Variants in HTR4 observed in about 807,000 individuals in gnomAD.
HTR4 encodes the protein 5-hydroxytryptamine (serotonin) receptor 4, G protein-coupled.
A neutral mutation model predicts 36.8 loss-of-function variants in HTR4; 16 were observed. That is an observed-to-expected ratio of 0.43 (90% CI 0.29 to 0.66). The LOEUF is 0.66. HTR4 is among the 30% of genes least tolerant of loss of function. HTR4 has a pLI of 0.13. For synonymous variants in HTR4, 189 were observed against 185.1 expected (o/e 1.02, Z -0.17); for missense variants, 438 against 490.9 (o/e 0.89, Z 1.02).
intron 4 of HTR4, among the ~76,000 whole-genome samples, chr5:148,524,438 A>G (rs961570836): frequency 6.6e-6 from 1 of 152,136 alleles, no homozygotes; most frequent in Non-Finnish European, 1.5e-5. Context: ...CTCTCATGGG[A>G]CACAGTGCTC....
At chr5:148,552,115 A>G (rs1413688617) in intron 2 of HTR4, among the ~76,000 whole-genome samples, 2 of 152,216 alleles carry the variant, frequency 1.3e-5, no homozygotes, top group African/African-American at 4.8e-5. Flanking sequence ...GGCCTTGTCC[A>G]GAACTTCTGT....
At chr5:148,590,487 G>A (rs1319846589) in intron 2 of HTR4, among the ~76,000 whole-genome samples, 1 of 150,304 alleles carries the variant, frequency 6.7e-6, no homozygotes, top group East Asian at 1.9e-4. Flanking sequence ...ATAGAGACGG[G>A]GTTGGTATTA....
At chr5:148,489,030 A>G (rs1360063696) in intron 6 of HTR4, among the ~76,000 whole-genome samples, 2 of 152,238 alleles carry the variant, frequency 1.3e-5, no homozygotes, top group Non-Finnish European at 2.9e-5. Flanking sequence ...GGCAAATAAA[A>G]GGATTGAAAC....
intron 6 of HTR4, among the ~76,000 whole-genome samples, chr5:148,497,260 G>C (rs1164198708): frequency 1.3e-5 from 2 of 152,088 alleles, no homozygotes; most frequent in African/African-American, 4.8e-5. Context: ...TGGCACAGTA[G>C]TATTTTTCTT....
At chr5:148,535,511 G>A (rs990771032) in intron 4 of HTR4, among the ~76,000 whole-genome samples, 1 of 152,120 alleles carries the variant, frequency 6.6e-6, no homozygotes, top group South Asian at 2.1e-4. Flanking sequence ...AGAAGCTGAA[G>A]GATGAAATAG....
chr5:148,484,050 C>G (rs1169473161), intron 6 of HTR4, among the ~76,000 whole-genome samples: 3 of 151,890 alleles, frequency 2.0e-5, no homozygotes, highest in Non-Finnish European at 4.4e-5. Context: ...TCACTTTAGT[C>G]AGCTGAGATC....
chr5:148,463,125 A>ACTGC (rs1755321236), intron 5 of HTR4, among the ~76,000 whole-genome samples: 3 of 146,106 alleles, frequency 2.1e-5, no homozygotes, highest in African/African-American at 5.1e-5. Flanking sequence ...CGCTGTCACC[A>ACTGC]CTGCTTTTGC....
At position 148,509,961 on chromosome 5, in the gene HTR4, G is replaced by T. The variant is rs200388886; in HGVS notation, c.571C>A (p.Pro191Thr). Residue 191 changes from proline to threonine, a missense_variant, in exon 6 of 7, where the codon CCC (proline) becomes ACC (threonine). Physicochemically the swap from Pro to Thr is conservative, Grantham distance 38. Coordinates refer to ENST00000377888, the MANE Select transcript of HTR4 (RefSeq NM_000870.7). ...STYCVFMVNK[P>T]YAITCSVVAF... ...ACCACAGAGCAGGTGATGGCGTAGG[G>T]CTTGTTGACCATGAAGACACAGTAC... 1 of 1,613,922 alleles carries T rather than the reference G, an allele frequency of 6.2e-7. No individual in the cohort carries two copies.
chr5:148,451,260 C>A, exon 6 of HTR4: 4 of 1,613,810 alleles, frequency 2.5e-6, no homozygotes, highest in Non-Finnish European at 2.5e-6. Context: ...GTCCCCTGTG[C>A]AGAACGGTGT....
At chr5:148,572,239 A>G (rs999307747) in intron 2 of HTR4, among the ~76,000 whole-genome samples, 2 of 152,098 alleles carry the variant, frequency 1.3e-5, no homozygotes, top group Non-Finnish European at 2.9e-5. Flanking sequence ...GAGTGCTACT[A>G]TATGCCAGAA....
intron 2 of HTR4, among the ~76,000 whole-genome samples, chr5:148,624,444 A>C (rs548177783): frequency 6.6e-6 from 1 of 152,340 alleles, no homozygotes; most frequent in African/African-American, 2.4e-5. Context: ...TGAGCTCAGC[A>C]CTTACACTCA....
At chr5:148,505,236 G>A (rs1418224538) in intron 6 of HTR4, among the ~76,000 whole-genome samples, 4 of 152,162 alleles carry the variant, frequency 2.6e-5, no homozygotes, top group Non-Finnish European at 5.9e-5. Context: ...ATCAATAAAC[G>A]TAATCCAGCA....
chr5:148,512,495 G>A (rs1338165336), intron 5 of HTR4, among the ~76,000 whole-genome samples: 1 of 151,956 alleles, frequency 6.6e-6, no homozygotes, highest in African/African-American at 2.4e-5. Flanking sequence ...GATGTCTTTT[G>A]TCAGATTTAT....
At chr5:148,454,775 G>A (rs1216246742) in intron 5 of HTR4, among the ~76,000 whole-genome samples, 1 of 152,154 alleles carries the variant, frequency 6.6e-6, no homozygotes, top group African/African-American at 2.4e-5. Context: ...CGAGAAGTGA[G>A]GCTCATAGCA....
intron 5 of HTR4, among the ~76,000 whole-genome samples, chr5:148,517,370 C>CTT: frequency 6.7e-6 from 1 of 149,440 alleles, no homozygotes; most frequent in East Asian, 2.0e-4. Context: ...GAATGGTCCA[C>CTT]TTTTTTTTTT....
chr5:148,512,856 G>A (rs990240161), intron 5 of HTR4, among the ~76,000 whole-genome samples: 53 of 152,094 alleles, frequency 3.5e-4, no homozygotes, highest in African/African-American at 1.2e-3. Flanking sequence ...GCTTGAACCC[G>A]GGAGGCAGAG....
At position 148,614,058 on chromosome 5, in the gene HTR4, T is replaced by C. The variant is rs1186744706; in HGVS notation, c.26+22931A>G. 1.6e-3 allele frequency among the ~76,000 whole-genome samples: 240 copies of C among 151,772 alleles called. 1 individual carries two copies. The highest frequency in any genetic ancestry group is 0.012 in the South Asian group (56 of 4,796). Reference sequence around the variant, plus strand: ...GATACAAACAAATGGAAGAACATTCTATGCTCATGGGTAGGAAGAATCAAT... The same window carrying C: ...GATACAAACAAATGGAAGAACATTCCATGCTCATGGGTAGGAAGAATCAAT... On this transcript the variant is annotated intron_variant, in intron 2 of 6. Transcript: ENST00000377888.
intron 5 of HTR4, among the ~76,000 whole-genome samples, chr5:148,464,027 T>C (rs1249891850): frequency 4.2e-5 from 5 of 119,516 alleles, no homozygotes. Flanking sequence ...AACTGGACAT[T>C]GACATGCAAA....
intron 6 of HTR4, among the ~76,000 whole-genome samples, chr5:148,508,274 C>T (rs1199309234): frequency 6.6e-6 from 1 of 152,210 alleles, no homozygotes; most frequent in East Asian, 1.9e-4. Context: ...CTGCGCATCT[C>T]AGGGCAAAGA....
Sources: allele counts gnomAD v4.1 joint callset (sites outside exome capture counted in the v4.1 genomes callset), GRCh38; gene constraint gnomAD v4.1.1; transcripts MANE v1.5; gene names NCBI Gene and HGNC (gene_info 2026-07-23, HGNC 2026-07-21).